PCCA: variants seen among roughly 807,000 people sequenced by gnomAD.
PCCA encodes the protein propionyl-CoA carboxylase subunit alpha.
A neutral mutation model predicts 101.3 loss-of-function variants in PCCA; 74 were observed. The ratio of observed to expected loss-of-function variants is 0.73; its 90% CI spans 0.61 to 0.89. The LOEUF (loss-of-function observed/expected upper bound fraction) is 0.89. Among genes scored for constraint, PCCA ranks in the 40% least tolerant of loss-of-function variants. The probability of loss-of-function intolerance (pLI) is 0.00; values close to 1 mark genes in which losing one functional copy is unlikely to be tolerated. For missense variants in PCCA, 891 were observed against 907.0 expected (o/e 0.98, Z 0.23); for synonymous variants, 294 against 313.6 (o/e 0.94, Z 0.66).
chr13:100,425,473 G>A (rs373429220), intron 19 of PCCA, among the ~76,000 whole-genome samples, 160 bp from the exon 20 acceptor site: 2 of 152,352 alleles, frequency 1.3e-5, no homozygotes, highest in East Asian at 1.9e-4. Context: ...CTGGGAAGAC[G>A]CTGTTGTTGG....
intron 19 of PCCA, among the ~76,000 whole-genome samples, chr13:100,405,884 A>G (rs1168416612): frequency 1.3e-5 from 2 of 148,410 alleles, no homozygotes; most frequent in African/African-American, 2.5e-5. Context: ...CTCCTGCCTC[A>G]GCCTCCCGAG....
In PCCA at chr13:100,507,578, G is replaced by A. The variant is rs541554723; in HGVS notation, c.1900-7849G>A. Among the ~76,000 whole-genome samples, 47 of 152,286 alleles carry A rather than the reference G, an allele frequency of 3.1e-4. 1 individual carries two copies. The highest frequency in any genetic ancestry group is 1.0e-3 in the African/African-American group (43 of 41,558). ...ATGATACAAGTGATTCAGATTACAA[G>A]GTAACCTCAGTGCAACACAAGGGAA... On this transcript the variant is annotated intron_variant, in intron 21 of 23. Coordinates refer to ENST00000376285, the MANE Select transcript of PCCA (RefSeq NM_000282.4).
At chr13:100,265,611 C>T (rs2062880371) in intron 10 of PCCA, among the ~76,000 whole-genome samples, 1 of 152,280 alleles carries the variant, frequency 6.6e-6, no homozygotes, top group South Asian at 2.1e-4. Flanking sequence ...CACTCCCACA[C>T]ACCCCATCTG....
rs556545679 is a variant in PCCA, at chr13:100,404,550, T to C, written c.1747-21083T>C. ...CAAACTGAAGATGAATGGCTACCTA[T>C]CTAGAAAGAGGGGAGCAGGTGTCCC... On this transcript the variant is annotated intron_variant, in intron 19 of 23. Coordinates refer to ENST00000376285, the MANE Select transcript of PCCA (RefSeq NM_000282.4). 3.3e-5 allele frequency among the ~76,000 whole-genome samples: 5 copies of C among 152,228 alleles called. No homozygotes were observed. The South Asian group carries it at 1.0e-3, about 32-fold the overall frequency.
intron 7 of PCCA, among the ~76,000 whole-genome samples, chr13:100,228,839 G>A (rs1252303008): frequency 6.7e-6 from 1 of 149,302 alleles, no homozygotes; most frequent in Non-Finnish European, 1.5e-5. Flanking sequence ...GGTGGAGGTT[G>A]CAATGAGCGG....
At chr13:100,427,089 C>T (rs919055521) in intron 20 of PCCA, among the ~76,000 whole-genome samples, 10 of 152,078 alleles carry the variant, frequency 6.6e-5, no homozygotes, top group African/African-American at 2.4e-4. Context: ...TGGTGGCGGG[C>T]GCCTGTATTC....
chr13:100,326,614 C>G (rs2152726023), intron 16 of PCCA, among the ~76,000 whole-genome samples: 1 of 151,758 alleles, frequency 6.6e-6, no homozygotes, highest in Non-Finnish European at 1.5e-5. Context: ...CTCCTGCCTC[C>G]CCTTCCACCT....
chr13:100,172,174 C>T (rs2055743209), intron 6 of PCCA, among the ~76,000 whole-genome samples: 1 of 149,834 alleles, frequency 6.7e-6, no homozygotes, highest in Non-Finnish European at 1.5e-5. Context: ...ACACTCCAGC[C>T]TGGGTGACAG....
intron 14 of PCCA, 101 bp from the exon 15 acceptor site, chr13:100,307,091 G>A: frequency 1.3e-6 from 1 of 782,660 alleles, no homozygotes; most frequent in Non-Finnish European, 2.2e-6. Context: ...ATTTGAGATT[G>A]AAATTCTCTA....
chr13:100,381,549 T>C (rs1041662313), intron 19 of PCCA, among the ~76,000 whole-genome samples: 2 of 152,260 alleles, frequency 1.3e-5, no homozygotes, highest in Admixed American at 1.3e-4. Flanking sequence ...CTCTGTTGTA[T>C]CAGGAGTATT....
In PCCA at chr13:100,238,275, A is replaced by G. The variant is rs147269320; in HGVS notation, c.637+2397A>G. Among the ~76,000 whole-genome samples the G allele has an allele frequency of 2.1e-3, 319 of 152,154 alleles. 2 individuals are homozygous for G. The highest frequency in any genetic ancestry group is 0.019 in the South Asian group (90 of 4,814). ...TTCGTTATAACCTGTCACCTTTAAG[A>G]TAACCAGCTCATCATGATGGGCCTC... is the stretch of plus-strand genomic sequence containing the variant. On this transcript the variant is annotated intron_variant, in intron 8 of 23. Transcript: ENST00000376285.
At chr13:100,366,742 G>C (rs1026947607) in intron 18 of PCCA, among the ~76,000 whole-genome samples, 3 of 151,878 alleles carry the variant, frequency 2.0e-5, no homozygotes, top group Non-Finnish European at 4.4e-5. Flanking sequence ...CACACTGCCA[G>C]AAAGAATCGT....
rs896583858 is a variant in PCCA, at chr13:100,307,183, T to C, written c.1285-9T>C. On this transcript the variant is annotated splice_polypyrimidine_tract_variant and intron_variant, in intron 14 of 23. Transcript: ENST00000376285. The stretch of plus-strand genomic sequence containing the variant: ...GAATTACTTTTCTTTTTTTCTTTTT[T>C]TCTCCCAGGTCCGAGTGGACAGTGG... 1.2e-6 allele frequency: 2 copies of C among 1,602,856 alleles called. No individual in the cohort carries two copies. Among genetic ancestry groups the C allele is most frequent in the Non-Finnish European group, 8.5e-7 (1 of 1,171,600 alleles).
At chr13:100,141,429 C>G (rs1174815984) in intron 4 of PCCA, among the ~76,000 whole-genome samples, 1 of 151,876 alleles carries the variant, frequency 6.6e-6, no homozygotes, top group Non-Finnish European at 1.5e-5. Context: ...ATTTATTTAT[C>G]AGACAGAGTC....
In PCCA at chr13:100,459,239, A is replaced by G. The variant is rs143273440; in HGVS notation, c.1899+9934A>G. Among the ~76,000 whole-genome samples the G allele has an allele frequency of 3.9e-5, 6 of 152,306 alleles. No homozygotes were observed. In the East Asian group the frequency reaches 1.2e-3, roughly 29 times the overall value. Reference sequence around the variant, plus strand: ...CCTCATTTAACTCATTATGTCTGCAAAGACCCTATTTCCAAATAAGGTCAC... The same window carrying G: ...CCTCATTTAACTCATTATGTCTGCAGAGACCCTATTTCCAAATAAGGTCAC... On this transcript the variant is annotated intron_variant, in intron 21 of 23. Coordinates refer to ENST00000376285, the MANE Select transcript of PCCA (RefSeq NM_000282.4).
intron 20 of PCCA, among the ~76,000 whole-genome samples, chr13:100,445,414 T>C (rs1352379967): frequency 6.6e-6 from 1 of 152,246 alleles, no homozygotes; most frequent in African/African-American, 2.4e-5. Flanking sequence ...TATTACCTCA[T>C]ATACTTATTC....
chr13:100,089,095 C>A lies in PCCA; in HGVS notation c.-26C>A. 1 of 1,459,120 alleles carries A rather than the reference C, an allele frequency of 6.9e-7. No homozygotes were observed. 90.4% of individuals were successfully genotyped at this position (1,459,120 alleles called of 1,614,324 possible). A position where few individuals can be genotyped will look rare whatever the true frequency, so the allele number is the denominator to read the frequency against. On this transcript the variant is annotated 5_prime_UTR_variant, in exon 1 of 24. Coordinates refer to ENST00000376285, the MANE Select transcript of PCCA (RefSeq NM_000282.4). ...CCCCTCCGGCTGTGTGAGAGGTCAGCAGAGGGGCGGTCTGCGGGGACAACA... is the reference window on the plus strand; with the variant it reads ...CCCCTCCGGCTGTGTGAGAGGTCAGAAGAGGGGCGGTCTGCGGGGACAACA...
intron 19 of PCCA, among the ~76,000 whole-genome samples, chr13:100,391,275 G>A (rs562044599): frequency 6.6e-6 from 1 of 152,152 alleles, no homozygotes; most frequent in Admixed American, 6.6e-5. Flanking sequence ...CCCAGCCTCT[G>A]TTCCATTTTT....
At chr13:100,207,192 C>A (rs1258951294) in intron 6 of PCCA, among the ~76,000 whole-genome samples, 1 of 152,034 alleles carries the variant, frequency 6.6e-6, no homozygotes, top group East Asian at 1.9e-4. Flanking sequence ...TTATTTAATT[C>A]TTTAATCAAA....
Sources: gnomAD v4.1 joint callset for allele counts (sites outside exome capture counted in the v4.1 genomes callset) on GRCh38, gnomAD v4.1.1 for gene constraint, MANE v1.5 for transcripts, NCBI Gene and HGNC (gene_info 2026-07-23, HGNC 2026-07-21) for gene names.